CFAP61: variants seen among roughly 807,000 people sequenced by gnomAD.
CFAP61 encodes cilia and flagella associated protein 61.
CFAP61 carries 107 observed loss-of-function variants against 135.6 expected under a neutral mutation model. That is an observed-to-expected ratio of 0.79 (90% CI 0.67 to 0.93). CFAP61 has a LOEUF of 0.93. CFAP61 is among the 40% of genes least tolerant of loss of function. The pLI is 0.00. For synonymous variants in CFAP61, 575 were observed against 578.5 expected, an observed-to-expected ratio of 0.99 and a Z score of 0.09; for missense variants, 1,507 against 1,556.2, an observed-to-expected ratio of 0.97 and a Z score of 0.53.
At chr20:20,216,734 CA>C (rs2048063480) in intron 17 of CFAP61, among the ~76,000 whole-genome samples, 1 of 151,852 alleles carries the variant, frequency 6.6e-6, no homozygotes, top group African/African-American at 2.4e-5. Context: ...AAACTGCTGT[CA>C]AAATCATCAG....
At chr20:20,251,874 G>A in intron 20 of CFAP61, 111 bp downstream of exon 20, 1 of 1,127,080 alleles carries the variant, frequency 8.9e-7, no homozygotes, top group Non-Finnish European at 1.3e-6. Context: ...CCTCTGCCTG[G>A]ACAGCTGCTG....
intron 2 of CFAP61, among the ~76,000 whole-genome samples, chr20:20,070,100 T>G (rs1035882884): frequency 2.6e-5 from 4 of 152,120 alleles, no homozygotes; most frequent in Non-Finnish European, 4.4e-5. Context: ...CAAGACAGGG[T>G]AGCAGTTGGG....
At chr20:20,055,989 G>A (rs145101005) in intron 1 of CFAP61, 1 of 1,610,424 alleles carries the variant, frequency 6.2e-7, no homozygotes. Flanking sequence ...CTTCTGGAAC[G>A]TTAGGTTCTC....
Position 20,277,283 on chromosome 20 carries a change from T to C in CFAP61, c.2621T>C (p.Ile874Thr). The change falls in exon 22 of 27, where the codon ATC (isoleucine) becomes ACC (threonine). Residue 874 changes from isoleucine (I) to threonine (T), a missense_variant. Transcript: ENST00000245957. ...HLVQPPPAST[I>T]TCINNYSVES... is the part of the protein sequence containing the mutation. Reference sequence around the variant, plus strand: ...GTGCAGCCCCCGCCCGCCTCCACCATCACCTGCATCAACAACTACTCGGTG... The same window carrying C: ...GTGCAGCCCCCGCCCGCCTCCACCACCACCTGCATCAACAACTACTCGGTG... 6.2e-7 allele frequency: 1 copy of C among 1,614,112 alleles called. No individual in the cohort carries two copies. The highest frequency in any genetic ancestry group is 8.5e-7 in the Non-Finnish European group (1 of 1,180,022).
At chr20:20,072,616 T>C (rs887731066) in intron 3 of CFAP61, among the ~76,000 whole-genome samples, 1 of 152,212 alleles carries the variant, frequency 6.6e-6, no homozygotes, top group Non-Finnish European at 1.5e-5. Flanking sequence ...AAATTAACAC[T>C]CTTATTCATA....
intron 1 of CFAP61, among the ~76,000 whole-genome samples, chr20:20,054,988 G>A (rs1331964346): frequency 6.6e-6 from 1 of 152,034 alleles, no homozygotes; most frequent in East Asian, 1.9e-4. Context: ...TGTCTTACAT[G>A]TGTCTTTACT....
At chr20:20,141,242 C>A (rs899666762) in intron 8 of CFAP61, among the ~76,000 whole-genome samples, 1 of 152,136 alleles carries the variant, frequency 6.6e-6, no homozygotes, top group African/African-American at 2.4e-5. Flanking sequence ...TTTTTATAGG[C>A]GTTGGTTGTT....
At chr20:20,348,237 T>C (rs1602132381) in intron 26 of CFAP61, among the ~76,000 whole-genome samples, 1 of 152,134 alleles carries the variant, frequency 6.6e-6, no homozygotes, top group East Asian at 1.9e-4. Flanking sequence ...CCAACACCCC[T>C]TTTAAATTTA....
chr20:20,130,907 T>G (rs1373316021), intron 8 of CFAP61, among the ~76,000 whole-genome samples: 1 of 151,828 alleles, frequency 6.6e-6, no homozygotes, highest in Non-Finnish European at 1.5e-5. Flanking sequence ...TAGGGATATT[T>G]CTTTCTTCAA....
In CFAP61 at chr20:20,055,099, C is replaced by T. The variant is rs541198080; in HGVS notation, c.-36-1519C>T. Among the ~76,000 whole-genome samples the T allele has an allele frequency of 3.9e-5, 6 of 152,280 alleles. No homozygotes were observed. In the South Asian group the frequency reaches 1.2e-3, roughly 32 times the overall value. The stretch of plus-strand genomic sequence containing the variant: ...TATTCTTCTGTTTTTAACCCATCCT[C>T]TTAGTTTAAATTTTAATAACCACGT... On this transcript the variant is annotated intron_variant, in intron 1 of 26. Coordinates refer to ENST00000245957, the MANE Select transcript of CFAP61 (RefSeq NM_015585.4).
At chr20:20,228,437 T>C in intron 18 of CFAP61, 61 bp downstream of exon 18, 2 of 1,435,030 alleles carry the variant, frequency 1.4e-6, no homozygotes, top group Middle Eastern at 1.9e-4. Flanking sequence ...TCTTCCTACA[T>C]CTGAAGAGAA....
Position 20,173,376 on chromosome 20 carries a change from G to A in CFAP61, c.1385+3916G>A, listed in dbSNP as rs1021786103. On this transcript the variant is annotated intron_variant, in intron 13 of 26. Coordinates refer to ENST00000245957, the MANE Select transcript of CFAP61 (RefSeq NM_015585.4). The stretch of plus-strand genomic sequence containing the variant: ...TCAAACTATCTGACAGAGTGGCTGA[G>A]CCATTTTGCATTCCCACCAGCAGTG... 5.3e-5 allele frequency among the ~76,000 whole-genome samples: 8 copies of A among 152,280 alleles called. No individual in the cohort carries two copies. In the East Asian group the frequency reaches 1.5e-3, roughly 29 times the overall value.
At chr20:20,256,012 G>A (rs917965094) in intron 20 of CFAP61, among the ~76,000 whole-genome samples, 2 of 152,254 alleles carry the variant, frequency 1.3e-5, no homozygotes, top group African/African-American at 2.4e-5. Context: ...GGGTTGCCAC[G>A]CTGGAGACGC....
chr20:20,092,312 G>A (rs2047259299), intron 7 of CFAP61, among the ~76,000 whole-genome samples: 1 of 152,192 alleles, frequency 6.6e-6, no homozygotes, highest in South Asian at 2.1e-4. Flanking sequence ...TGTAAAAATT[G>A]GAATTTCTAG....
At chr20:20,234,240 G>T (rs955890103) in intron 18 of CFAP61, among the ~76,000 whole-genome samples, 1 of 152,174 alleles carries the variant, frequency 6.6e-6, no homozygotes, top group Non-Finnish European at 1.5e-5. Flanking sequence ...GGACATCTGA[G>T]GTCAGAGAAT....
At chr20:20,207,998 C>T (rs1731703927) in intron 17 of CFAP61, among the ~76,000 whole-genome samples, 1 of 152,198 alleles carries the variant, frequency 6.6e-6, no homozygotes, top group African/African-American at 2.4e-5. Context: ...ACACAGTTTT[C>T]TGTTAAGCTG....
At chr20:20,165,870 C>T (rs569877515) in intron 11 of CFAP61, among the ~76,000 whole-genome samples, 112 of 152,254 alleles carry the variant, frequency 7.4e-4, no homozygotes, top group African/African-American at 2.6e-3. Context: ...ATGTTGTAGA[C>T]ATATAAAACC....
intron 15 of CFAP61, among the ~76,000 whole-genome samples, chr20:20,195,020 T>C (rs1257347145): frequency 6.6e-6 from 1 of 152,218 alleles, no homozygotes; most frequent in Non-Finnish European, 1.5e-5. Flanking sequence ...CCTATACTTA[T>C]CACTCATTTT....
At chr20:20,128,998 T>C (rs1402633915) in intron 8 of CFAP61, among the ~76,000 whole-genome samples, 1 of 151,558 alleles carries the variant, frequency 6.6e-6, no homozygotes, top group East Asian at 1.9e-4. Flanking sequence ...ATAACTATTA[T>C]TATAATTGTT....
Sources: gnomAD v4.1 joint callset for allele counts (sites outside exome capture counted in the v4.1 genomes callset) on GRCh38, gnomAD v4.1.1 for gene constraint, MANE v1.5 for transcripts, NCBI Gene and HGNC (gene_info 2026-07-23, HGNC 2026-07-21) for gene names.